DIS3L2: variants seen among roughly 807,000 people sequenced by gnomAD.
DIS3L2 encodes DIS3-like exonuclease 2.
A neutral mutation model predicts 97.5 loss-of-function variants in DIS3L2; 34 were observed. The ratio of observed to expected loss-of-function variants is 0.35; its 90% CI spans 0.27 to 0.46. DIS3L2 has a LOEUF of 0.46. Ranked by LOEUF, DIS3L2 falls within the 20% of genes least tolerant of loss-of-function variation. The pLI is 1.00. For synonymous variants in DIS3L2, 435 were observed against 445.2 expected (o/e 0.98, Z 0.29); for missense variants, 1,038 against 1,146.0 (o/e 0.91, Z 1.36).
chr2:232,334,023 C>A, intron 17 of DIS3L2, 36 bp downstream of exon 17: 1 of 1,587,266 alleles, frequency 6.3e-7, no homozygotes, highest in South Asian at 1.2e-5. Context: ...CAGACCTGGG[C>A]CAGCTCAGGG....
intron 6 of DIS3L2, among the ~76,000 whole-genome samples, chr2:232,126,081 G>A (rs1462310814): frequency 3.3e-5 from 5 of 152,142 alleles, no homozygotes; most frequent in Admixed American, 6.5e-5. Flanking sequence ...CTTAATTTGG[G>A]TTCTGATTGT....
intron 5 of DIS3L2, among the ~76,000 whole-genome samples, chr2:232,036,960 C>A (rs962462812): frequency 6.6e-6 from 1 of 152,210 alleles, no homozygotes; most frequent in African/African-American, 2.4e-5. Flanking sequence ...TGTCTGTTGA[C>A]CCCTGCTGGG....
At chr2:232,181,464 AT>A (rs1284912887) in intron 9 of DIS3L2, among the ~76,000 whole-genome samples, 1 of 152,050 alleles carries the variant, frequency 6.6e-6, no homozygotes, top group Non-Finnish European at 1.5e-5. Flanking sequence ...TGAGACGTAG[AT>A]TTGGTCCTTT....
chr2:232,234,398 G>A (rs571205116), intron 10 of DIS3L2, among the ~76,000 whole-genome samples: 1 of 152,326 alleles, frequency 6.6e-6, no homozygotes, highest in East Asian at 1.9e-4. Flanking sequence ...TGCTCAGGGT[G>A]GAGTGCAGTG....
intron 6 of DIS3L2, among the ~76,000 whole-genome samples, chr2:232,099,282 C>T (rs569075475): frequency 1.2e-4 from 18 of 151,854 alleles, no homozygotes; most frequent in South Asian, 2.1e-4. Flanking sequence ...GTCACACCAT[C>T]GTGGCTTACT....
intron 5 of DIS3L2, 113 bp from the exon 6 acceptor site, chr2:232,087,374 T>C (rs997761053): frequency 8.4e-6 from 6 of 717,724 alleles, no homozygotes; most frequent in African/African-American, 5.4e-5. Context: ...ACATGATTAG[T>C]GTCCAATACC....
rs114280618 is a variant in DIS3L2 at position 232,065,490 on chromosome 2, A to G, written c.367-21997A>G. On this transcript the variant is annotated intron_variant, in intron 5 of 20. Coordinates refer to ENST00000325385, the MANE Select transcript of DIS3L2 (RefSeq NM_152383.5). ...AGACTCCTTTCCCTATTGAATTACC[A>G]TGACATCTTTATTGAAAATCAATTT... 2.5e-3 allele frequency among the ~76,000 whole-genome samples: 382 copies of G among 152,144 alleles called. 2 individuals carry two copies. Among genetic ancestry groups the G allele is most frequent in the Middle Eastern group, 6.8e-3 (2 of 294 alleles).
intron 6 of DIS3L2, among the ~76,000 whole-genome samples, chr2:232,090,199 C>T (rs545172148): frequency 1.2e-4 from 19 of 152,222 alleles, no homozygotes; most frequent in African/African-American, 4.1e-4. Context: ...CCTCCCAAAG[C>T]GCTGGGATTA....
At chr2:232,058,620 T>C (rs1281394737) in intron 5 of DIS3L2, among the ~76,000 whole-genome samples, 1 of 152,206 alleles carries the variant, frequency 6.6e-6, no homozygotes, top group Non-Finnish European at 1.5e-5. Flanking sequence ...ACACATGGCT[T>C]CCTGCGCTTC....
intron 5 of DIS3L2, among the ~76,000 whole-genome samples, chr2:232,041,181 C>T (rs890869026): frequency 2.0e-5 from 3 of 152,132 alleles, no homozygotes; most frequent in African/African-American, 7.2e-5. Flanking sequence ...TTAACAAATA[C>T]TTGCCCTAGA....
At chr2:232,086,919 A>G (rs907214086) in intron 5 of DIS3L2, among the ~76,000 whole-genome samples, 6 of 151,686 alleles carry the variant, frequency 4.0e-5, no homozygotes, top group Non-Finnish European at 8.8e-5. Flanking sequence ...TGACCTCATG[A>G]TCCGCCCGCC....
chr2:232,343,422 C>T, exon 14 of DIS3L2: 1 of 1,556,294 alleles, frequency 6.4e-7, no homozygotes, highest in African/African-American at 1.4e-5. Context: ...AAGCACAGCC[C>T]TCCACAGAGG....
At chr2:232,241,062 C>T (rs957745897) in intron 11 of DIS3L2, among the ~76,000 whole-genome samples, 18 of 152,238 alleles carry the variant, frequency 1.2e-4, no homozygotes, top group African/African-American at 4.3e-4. Flanking sequence ...CCCGGCACTG[C>T]CTCCAGCTTG....
At position 232,068,032 on chromosome 2, in the gene DIS3L2, A is replaced by G. The variant is rs1398590006; in HGVS notation, c.367-19455A>G. On this transcript the variant is annotated intron_variant, in intron 5 of 20. Transcript: ENST00000325385. ...AGAGAAGGATTATCCAAGGAGCAAAACCCTCAGAGCAAGAAGTAGTATTCA... is the reference window on the plus strand; with the variant it reads ...AGAGAAGGATTATCCAAGGAGCAAAGCCCTCAGAGCAAGAAGTAGTATTCA... 3.3e-5 allele frequency among the ~76,000 whole-genome samples: 5 copies of G among 152,182 alleles called. No homozygotes were observed. The East Asian group carries it at 9.6e-4, about 29-fold the overall frequency.
At chr2:232,120,818 C>T (rs975615854) in intron 6 of DIS3L2, among the ~76,000 whole-genome samples, 2 of 152,064 alleles carry the variant, frequency 1.3e-5, no homozygotes, top group African/African-American at 2.4e-5. Flanking sequence ...GCATTTATTT[C>T]GATACAATGA....
At chr2:232,166,491 G>A (rs547720716) in intron 9 of DIS3L2, among the ~76,000 whole-genome samples, 4 of 152,258 alleles carry the variant, frequency 2.6e-5, no homozygotes, top group African/African-American at 9.6e-5. Flanking sequence ...TTTGGAAGGC[G>A]GAGGCTGGCA....
At chr2:232,031,510 T>A (rs1030693318) in intron 5 of DIS3L2, among the ~76,000 whole-genome samples, 18 of 151,732 alleles carry the variant, frequency 1.2e-4, no homozygotes, top group East Asian at 9.7e-4. Context: ...TTTTTTTTTT[T>A]TATATTATAC....
intron 5 of DIS3L2, among the ~76,000 whole-genome samples, chr2:232,077,943 T>TTCTC (rs1696245688): frequency 6.7e-6 from 1 of 148,986 alleles, no homozygotes; most frequent in Non-Finnish European, 1.5e-5. Context: ...CTTTCTTTCT[T>TTCTC]TTTCTTTCTT....
At chr2:232,111,230 C>G in intron 6 of DIS3L2, 1 of 471,192 alleles carries the variant, frequency 2.1e-6, no homozygotes, top group Middle Eastern at 3.3e-4. Flanking sequence ...AGTTCCTGGG[C>G]TTATCCAGTA....
Sources: gnomAD v4.1 joint callset for allele counts (sites outside exome capture counted in the v4.1 genomes callset) on GRCh38, gnomAD v4.1.1 for gene constraint, MANE v1.5 for transcripts, NCBI Gene and HGNC (gene_info 2026-07-23, HGNC 2026-07-21) for gene names.